C3orf20: variants seen among roughly 807,000 people sequenced by gnomAD.
C3orf20 encodes family with sequence similarity 149 member C, also known as uncharacterized protein C3orf20.
In C3orf20, 76 loss-of-function variants were observed where a neutral mutation model predicts 88.3. The ratio of observed to expected loss-of-function variants is 0.86; its 90% CI spans 0.72 to 1.04. The LOEUF is 1.04. Among genes scored for constraint, C3orf20 ranks in the 50% least tolerant of loss-of-function variants. The probability of loss-of-function intolerance (pLI) is 0.00; values close to 1 mark genes in which losing one functional copy is unlikely to be tolerated. For synonymous variants in C3orf20, 436 were observed against 437.4 expected (o/e 1.00, Z 0.04); for missense variants, 1,056 against 1,123.3 (o/e 0.94, Z 0.86).
intron 12 of C3orf20, among the ~76,000 whole-genome samples, chr3:14,756,192 A>G (rs1227519405): frequency 6.6e-6 from 1 of 151,052 alleles, no homozygotes; most frequent in Non-Finnish European, 1.5e-5. Context: ...AGCATTTTAC[A>G]GTATCCACAG....
intron 12 of C3orf20, among the ~76,000 whole-genome samples, chr3:14,746,981 T>C (rs1184170813): frequency 1.3e-5 from 2 of 151,998 alleles, no homozygotes; most frequent in South Asian, 2.1e-4. Context: ...CAAAGGACAA[T>C]GGGGGAACTG....
chr3:14,676,010 T>C lies in C3orf20; in HGVS notation c.-299+758T>C, dbSNP rs2031747417. Among the ~76,000 whole-genome samples, 4 of 152,112 alleles carry C rather than the reference T, an allele frequency of 2.6e-5. No homozygotes were observed. The South Asian group carries it at 8.3e-4, about 32-fold the overall frequency. On this transcript the variant is annotated intron_variant, in intron 1 of 16. Transcript: ENST00000253697. Reference sequence around the variant, plus strand: ...CCCGGCCCTCCACTACATTTCTAATTGCCACATTCTCCCTAAGTCTGAAAG... The same window carrying C: ...CCCGGCCCTCCACTACATTTCTAATCGCCACATTCTCCCTAAGTCTGAAAG...
intron 5 of C3orf20, 77 bp downstream of exon 5, chr3:14,690,193 G>A (rs2032655233): frequency 1.3e-6 from 2 of 1,593,412 alleles, no homozygotes; most frequent in Non-Finnish European, 1.7e-6. Flanking sequence ...TCTACCCTGT[G>A]TAGGTTGGTG....
chr3:14,738,822 T>TG (rs2034813285), intron 12 of C3orf20, among the ~76,000 whole-genome samples: 1 of 146,546 alleles, frequency 6.8e-6, no homozygotes, highest in Non-Finnish European at 1.5e-5. Flanking sequence ...TTTGTTTTTT[T>TG]TTTTTTTTTT....
Position 14,727,040 on chromosome 3 carries a change from G to A in C3orf20, c.1690+16G>A. The A allele has an allele frequency of 6.2e-7, 1 of 1,614,036 alleles. No individual in the cohort carries two copies. Among genetic ancestry groups the A allele is most frequent in the South Asian group, 1.1e-5 (1 of 91,072 alleles). The stretch of plus-strand genomic sequence containing the variant: ...CTGGCCGCAGGTAAGGAGGCTGAAA[G>A]GTGGGCGAAGGCCTATCTGTTGGCT... On this transcript the variant is annotated intron_variant, in intron 11 of 16. Coordinates refer to ENST00000253697, the MANE Select transcript of C3orf20 (RefSeq NM_032137.5).
At chr3:14,723,653 G>T (rs894171721) in intron 10 of C3orf20, among the ~76,000 whole-genome samples, 5 of 152,292 alleles carry the variant, frequency 3.3e-5, no homozygotes, top group Admixed American at 3.3e-4. Context: ...GCATGCATTG[G>T]TTACTTCAAA....
Position 14,759,990 on chromosome 3 carries a change from A to T in C3orf20, c.2344A>T (p.Met782Leu), listed in dbSNP as rs370860057. The change falls in exon 14 of 17, where the codon ATG becomes TTG. Residue 782 changes from methionine (M) to leucine (L), a missense_variant. By Grantham distance (15) the Met-to-Leu change is conservative. Coordinates refer to ENST00000253697, the MANE Select transcript of C3orf20 (RefSeq NM_032137.5). ...GAAGAAGAACTCTGTGGTGCAGGGG[A>T]TGATTCTGGTGAGCCAGCAGGGACT... ...MVKKNSVVQG[M>L]ILMFAGGKLI... 7.2e-5 allele frequency: 116 copies of T among 1,613,430 alleles called. No individual in the cohort carries two copies. The African/African-American group carries it at 1.4e-3, about 19-fold the overall frequency.
intron 12 of C3orf20, among the ~76,000 whole-genome samples, chr3:14,743,203 A>C (rs561014330): frequency 1.3e-5 from 2 of 151,990 alleles, no homozygotes; most frequent in Non-Finnish European, 1.5e-5. Context: ...CCTAGATACA[A>C]TGGGGGTACA....
intron 13 of C3orf20, among the ~76,000 whole-genome samples, chr3:14,759,455 G>C (rs1380349828): frequency 1.3e-5 from 2 of 152,204 alleles, no homozygotes; most frequent in African/African-American, 2.4e-5. Context: ...AGGGTCCTGA[G>C]GGGCTTGCCA....
Position 14,772,906 on chromosome 3 carries a change from G to GCCCCAGCA in C3orf20, c.*35_*36insAGCACCCC. On this transcript the variant is annotated 3_prime_UTR_variant, in exon 17 of 17. Transcript: ENST00000253697. The surrounding 1 kb of genome is among the most constrained non-coding windows in gnomAD (Gnocchi z 4.2). The stretch of plus-strand genomic sequence containing the variant: ...TCCTGGCAGCAGCCAAGTGAGCCAG[G>GCCCCAGCA]CCCCGGCCCGGGGTGCTGGGGCTTC... 6.3e-7 allele frequency: 1 copy of GCCCCAGCA among 1,582,492 alleles called. No homozygotes were observed. Among genetic ancestry groups the GCCCCAGCA allele is most frequent in the Non-Finnish European group, 8.7e-7 (1 of 1,152,364 alleles).
intron 6 of C3orf20, among the ~76,000 whole-genome samples, chr3:14,703,525 C>G (rs559049414): frequency 6.6e-6 from 1 of 152,218 alleles, no homozygotes; most frequent in Non-Finnish European, 1.5e-5. Context: ...GATTGATGCC[C>G]ATTTTGTGGA....
chr3:14,770,632 C>A, intron 15 of C3orf20, among the ~76,000 whole-genome samples: 1 of 152,158 alleles, frequency 6.6e-6, no homozygotes, highest in East Asian at 1.9e-4. Flanking sequence ...AAGCCATGCC[C>A]CTTTCTTCAG....
chr3:14,727,087 C>T, intron 11 of C3orf20, 63 bp downstream of exon 11: 1 of 1,578,202 alleles, frequency 6.3e-7, no homozygotes, highest in Non-Finnish European at 8.7e-7. Flanking sequence ...GAGATTCTGG[C>T]AGGTCATCTC....
intron 12 of C3orf20, among the ~76,000 whole-genome samples, chr3:14,744,627 G>A (rs1023848100): frequency 6.6e-6 from 1 of 151,926 alleles, no homozygotes; most frequent in African/African-American, 2.4e-5. Context: ...AATGAAAAAA[G>A]GTTAATTGGA....
chr3:14,722,652 C>T, intron 10 of C3orf20: 1 of 449,244 alleles, frequency 2.2e-6, no homozygotes, highest in East Asian at 7.0e-5. Context: ...TCTATCGTCT[C>T]CACAAATTGA....
intron 12 of C3orf20, among the ~76,000 whole-genome samples, chr3:14,738,334 AT>A (rs75016263): frequency 3.3e-3 from 452 of 138,346 alleles, no homozygotes; most frequent in African/African-American, 3.6e-3. Context: ...TGCCCAACTA[AT>A]TTTTTTTTTT....
chr3:14,771,525 T>C (rs769204670), intron 15 of C3orf20, among the ~76,000 whole-genome samples: 5 of 152,272 alleles, frequency 3.3e-5, no homozygotes, highest in Non-Finnish European at 5.9e-5. Flanking sequence ...GCCACAGAAC[T>C]GCAGTCCTCA....
intron 13 of C3orf20, among the ~76,000 whole-genome samples, chr3:14,758,003 C>T (rs538893188): frequency 7.9e-5 from 12 of 152,282 alleles, no homozygotes; most frequent in South Asian, 4.1e-4. Flanking sequence ...ATTTAGAGCA[C>T]GGGCAGTGCT....
rs762876886 is a variant in C3orf20, at chr3:14,721,653, G to C, written c.1435G>C (p.Val479Leu). 6 of 1,614,106 alleles carry C rather than the reference G, an allele frequency of 3.7e-6. No individual in the cohort carries two copies. In the Admixed American group the frequency reaches 8.3e-5, roughly 22 times the overall value. The change falls in exon 10 of 17, where the codon GTG becomes CTG. Residue 479 changes from valine to leucine, a missense_variant and splice_region_variant. Physicochemically the swap from Val to Leu is conservative, Grantham distance 32 (BLOSUM62 1). Transcript: ENST00000253697. ...CTGAGTACTGTTTCTTCATCTACAGGTGAATGAGGAAATGAAACTAAAGGT... is the reference window on the plus strand; with the variant it reads ...CTGAGTACTGTTTCTTCATCTACAGCTGAATGAGGAAATGAAACTAAAGGT... ...TETLLSLEYK[V>L]NEEMKLKVLG...
Sources: allele counts gnomAD v4.1 joint callset (sites outside exome capture counted in the v4.1 genomes callset), GRCh38; gene constraint gnomAD v4.1.1; non-coding constraint Gnocchi (gnomAD v3.1); transcripts MANE v1.5; gene names NCBI Gene and HGNC (gene_info 2026-07-23, HGNC 2026-07-21).